Variants in ZFHX3 observed in about 807,000 individuals in gnomAD.
ZFHX3 encodes the protein zinc finger homeobox protein 3.
Under a neutral mutation model 279.1 loss-of-function variants are expected in ZFHX3, and 42 were observed. That is an observed-to-expected ratio of 0.15 (90% CI 0.12 to 0.19). The LOEUF (loss-of-function observed/expected upper bound fraction) is 0.19, where lower values mean the gene tolerates loss of function less well. Among genes scored for constraint, ZFHX3 ranks in the 10% least tolerant of loss-of-function variants. ZFHX3 has a pLI of 1.00. For missense variants in ZFHX3, 4,981 were observed against 4,754.0 expected, an observed-to-expected ratio of 1.05 and a Z score of -1.40; for synonymous variants, 2,293 against 1,957.8, an observed-to-expected ratio of 1.17 and a Z score of -4.52.
At chr16:73,322,147 G>C (rs528247371) in intron 3 of ZFHX3, among the ~76,000 whole-genome samples, 1 of 152,298 alleles carries the variant, frequency 6.6e-6, no homozygotes, top group Non-Finnish European at 1.5e-5. Context: ...AGGGAGGAAG[G>C]CTGGGCCCCT....
chr16:73,336,440 T>G (rs543306838), intron 3 of ZFHX3, among the ~76,000 whole-genome samples: 1 of 137,218 alleles, frequency 7.3e-6, no homozygotes, highest in South Asian at 2.4e-4. Flanking sequence ...CTTTGTGTCA[T>G]TGTGTATTCA....
intron 4 of ZFHX3, among the ~76,000 whole-genome samples, chr16:72,886,734 C>T (rs12926056): frequency 0.18 from 26,683 of 152,016 alleles, 3,587 homozygotes; most frequent in African/African-American, 0.38. Context: ...AAGGAGAATC[C>T]GGGGAATGAC....
chr16:73,412,954 G>A (rs2017499681), intron 3 of ZFHX3, among the ~76,000 whole-genome samples: 1 of 152,136 alleles, frequency 6.6e-6, no homozygotes, highest in Non-Finnish European at 1.5e-5. Flanking sequence ...TAACAGGAGC[G>A]ATCAACTCAC....
rs1186094733 is a variant in ZFHX3, at chr16:73,832,127, C to T, written c.-1608+59524G>A. Among the ~76,000 whole-genome samples, 4 of 151,876 alleles carry T rather than the reference C, an allele frequency of 2.6e-5. No homozygotes were observed. The East Asian group carries it at 7.7e-4, about 29-fold the overall frequency. ...TGTTGGTCAGGCTGGTCTTGAACTCCTGACCTTGCAGTCTGCCTGCCTCAG... is the reference window on the plus strand; with the variant it reads ...TGTTGGTCAGGCTGGTCTTGAACTCTTGACCTTGCAGTCTGCCTGCCTCAG... On this transcript the variant is annotated intron_variant, in intron 1 of 17. Coordinates refer to the ZFHX3 transcript ENST00000641206.
chr16:73,818,499 C>T (rs780496624), intron 1 of ZFHX3, among the ~76,000 whole-genome samples: 1 of 152,198 alleles, frequency 6.6e-6, no homozygotes, highest in Non-Finnish European at 1.5e-5. Context: ...TCAACCAAAG[C>T]TCCTGTGAGG....
chr16:72,861,202 T>C (rs570175277), intron 4 of ZFHX3, among the ~76,000 whole-genome samples: 15 of 152,366 alleles, frequency 9.8e-5, no homozygotes, highest in South Asian at 2.1e-4. Flanking sequence ...TTGTCACACA[T>C]TGCCATATGG....
intron 4 of ZFHX3, among the ~76,000 whole-genome samples, chr16:73,259,984 AT>A (rs138970337): frequency 0.015 from 2,227 of 150,862 alleles, 61 homozygotes; most frequent in African/African-American, 0.05. Flanking sequence ...CGTAAAATAA[AT>A]TTTTTTTTTC....
chr16:73,831,058 C>G (rs993631603), intron 1 of ZFHX3, among the ~76,000 whole-genome samples: 1 of 152,164 alleles, frequency 6.6e-6, no homozygotes, highest in Non-Finnish European at 1.5e-5. Flanking sequence ...TAGACACATT[C>G]AAAAGACCAA....
intron 2 of ZFHX3, among the ~76,000 whole-genome samples, chr16:73,587,298 A>T (rs2051937731): frequency 6.6e-6 from 1 of 152,228 alleles, no homozygotes; most frequent in South Asian, 2.1e-4. Context: ...GAGACTTTTT[A>T]AAAAACTGAG....
intron 2 of ZFHX3, among the ~76,000 whole-genome samples, chr16:73,562,542 C>G (rs892934744): frequency 2.0e-5 from 3 of 149,268 alleles, no homozygotes; most frequent in South Asian, 2.1e-4. Context: ...CTTGCAGTGA[C>G]CCGAGATGGC....
chr16:73,459,904 C>G (rs2018443560), intron 2 of ZFHX3, among the ~76,000 whole-genome samples: 1 of 152,204 alleles, frequency 6.6e-6, no homozygotes, highest in African/African-American at 2.4e-5. Flanking sequence ...TTACTTCCAC[C>G]TGGTCTCTCC....
chr16:73,364,698 A>G (rs1013412113), intron 3 of ZFHX3, among the ~76,000 whole-genome samples: 2 of 152,082 alleles, frequency 1.3e-5, no homozygotes, highest in Non-Finnish European at 2.9e-5. Flanking sequence ...AGGACTTGGG[A>G]CTGAGTTTTA....
Position 73,709,195 on chromosome 16 carries a change from C to G in ZFHX3, c.-1607-28955G>C, listed in dbSNP as rs138331524. The stretch of plus-strand genomic sequence containing the variant: ...AAAATGCCAGCCTGCACAAGACCCT[C>G]ATCACTACAGAAAAGAAAAATTAGC... On this transcript the variant is annotated intron_variant, in intron 1 of 17. Coordinates refer to the ZFHX3 transcript ENST00000641206. Among the ~76,000 whole-genome samples, 478 of 152,184 alleles carry G rather than the reference C, an allele frequency of 3.1e-3. 2 individuals carry two copies. The highest frequency in any genetic ancestry group is 0.011 in the African/African-American group (450 of 41,526).
At chr16:73,812,031 C>T (rs1960443019) in intron 1 of ZFHX3, among the ~76,000 whole-genome samples, 1 of 152,196 alleles carries the variant, frequency 6.6e-6, no homozygotes, top group Admixed American at 6.5e-5. Flanking sequence ...AAATAACCTA[C>T]CCCCAAGGTT....
At chr16:73,844,971 A>AT (rs1961410199) in intron 1 of ZFHX3, among the ~76,000 whole-genome samples, 1 of 152,086 alleles carries the variant, frequency 6.6e-6, no homozygotes, top group African/African-American at 2.4e-5. Context: ...CTAATGGGCA[A>AT]TAGGGGAATT....
chr16:73,464,340 C>A (rs1404067436), intron 2 of ZFHX3, among the ~76,000 whole-genome samples: 1 of 151,874 alleles, frequency 6.6e-6, no homozygotes, highest in Non-Finnish European at 1.5e-5. Flanking sequence ...TACAGTCCGG[C>A]TCTTCTGGAG....
chr16:73,513,237 A>G (rs914713835), intron 2 of ZFHX3, among the ~76,000 whole-genome samples: 6 of 152,150 alleles, frequency 3.9e-5, no homozygotes, highest in African/African-American at 1.4e-4. Flanking sequence ...CTAGGTGATG[A>G]TGTGACTGCA....
At chr16:73,632,171 T>A (rs2052479653) in intron 2 of ZFHX3, among the ~76,000 whole-genome samples, 1 of 152,146 alleles carries the variant, frequency 6.6e-6, no homozygotes, top group South Asian at 2.1e-4. Flanking sequence ...TTAATATACA[T>A]GTGTTGAGCA....
Position 72,957,863 on chromosome 16 carries a change from C to T in ZFHX3, c.2283G>A (p.Gly761=), listed in dbSNP as rs186640909. ...LNNMQNLQNG[G]GEQVFSHTAG... ...CAGTGTGGCTGAAGACCTGCTCCCC[C>T]CCTCCATTCTGCAGGTTCTGCATGT... The change falls in exon 2 of 10, where the codon GGG becomes GGA. Residue 761 remains glycine (G), a synonymous_variant. Coordinates refer to ENST00000268489, the MANE Select transcript of ZFHX3 (RefSeq NM_006885.4). 1.0e-3 allele frequency: 1,609 copies of T among 1,614,056 alleles called. 23 individuals carry two copies. In the East Asian group the frequency reaches 0.032, roughly 32 times the overall value.
Sources: gnomAD v4.1 joint callset for allele counts (sites outside exome capture counted in the v4.1 genomes callset) on GRCh38, gnomAD v4.1.1 for gene constraint, MANE v1.5 for transcripts, NCBI Gene and HGNC (gene_info 2026-07-23, HGNC 2026-07-21) for gene names.